The following HS6ST3 variants were observed in gnomAD, a reference collection of about 807,000 sequenced individuals.
The protein encoded by HS6ST3 is heparan sulfate 6-O-sulfotransferase 3.
In HS6ST3, 12 loss-of-function variants were observed where a neutral mutation model predicts 36.7. That is an observed-to-expected ratio of 0.33 (90% confidence interval 0.21 to 0.53). The LOEUF (loss-of-function observed/expected upper bound fraction) is 0.53. HS6ST3 is among the 20% of genes least tolerant of loss of function. The pLI, the probability that HS6ST3 is intolerant of heterozygous loss-of-function variation, is 0.95. For missense variants in HS6ST3, 584 were observed against 640.9 expected (o/e 0.91, Z 0.96); for synonymous variants, 240 against 257.5 (o/e 0.93, Z 0.65).
intron 1 of HS6ST3, among the ~76,000 whole-genome samples, chr13:96,595,696 A>G (rs574959): frequency 0.99 from 150,705 of 152,128 alleles, 74,659 homozygotes; most frequent in Middle Eastern, 1. Context: ...ATGTTGTTTC[A>G]TGAATCCTTT....
At chr13:96,198,234 C>A (rs2054323762) in intron 1 of HS6ST3, among the ~76,000 whole-genome samples, 1 of 152,138 alleles carries the variant, frequency 6.6e-6, no homozygotes, top group Non-Finnish European at 1.5e-5. Flanking sequence ...GTGTGGGGAC[C>A]CTGGGCCTGG....
chr13:96,354,287 A>G (rs1376766770), intron 1 of HS6ST3, among the ~76,000 whole-genome samples: 1 of 152,180 alleles, frequency 6.6e-6, no homozygotes, highest in African/African-American at 2.4e-5. Context: ...TATAAAAATC[A>G]TATTTGTTTA....
chr13:96,801,181 A>C, intron 1 of HS6ST3, among the ~76,000 whole-genome samples: 1 of 152,022 alleles, frequency 6.6e-6, no homozygotes, highest in East Asian at 1.9e-4. Flanking sequence ...ACTTACATCA[A>C]GGCTGCTCCA....
At chr13:96,273,925 TTCCCTCCC>T (rs60633591) in intron 1 of HS6ST3, among the ~76,000 whole-genome samples, 9 of 103,414 alleles carry the variant, frequency 8.7e-5, no homozygotes, top group Non-Finnish European at 1.4e-4. Context: ...TCCTTCCTTC[TTCCCTCCC>T]TCCCTCCCTC....
chr13:96,771,653 C>G (rs918461394), intron 1 of HS6ST3, among the ~76,000 whole-genome samples: 6 of 152,098 alleles, frequency 3.9e-5, no homozygotes, highest in Admixed American at 6.6e-5. Flanking sequence ...AGGTGCCAAG[C>G]CTTCCAAGAT....
chr13:96,185,979 G>C (rs1051213246), intron 1 of HS6ST3, among the ~76,000 whole-genome samples: 1 of 152,158 alleles, frequency 6.6e-6, no homozygotes, highest in African/African-American at 2.4e-5. Context: ...GTTATATACT[G>C]TATGTTTATG....
At chr13:96,415,958 C>G (rs1011991871) in intron 1 of HS6ST3, among the ~76,000 whole-genome samples, 1 of 152,106 alleles carries the variant, frequency 6.6e-6, no homozygotes, top group Admixed American at 6.5e-5. Flanking sequence ...AATTTTCTTG[C>G]AATTTCACAG....
At chr13:96,511,894 G>A (rs1480295703) in intron 1 of HS6ST3, among the ~76,000 whole-genome samples, 1 of 151,934 alleles carries the variant, frequency 6.6e-6, no homozygotes, top group South Asian at 2.1e-4. Flanking sequence ...ATACTCTGTT[G>A]GACAGGAATT....
At chr13:96,430,048 T>A (rs1021452033) in intron 1 of HS6ST3, among the ~76,000 whole-genome samples, 32 of 152,222 alleles carry the variant, frequency 2.1e-4, no homozygotes, top group African/African-American at 6.0e-4. Flanking sequence ...ACAATTTGAT[T>A]TAATGTACTT....
intron 1 of HS6ST3, among the ~76,000 whole-genome samples, chr13:96,577,347 A>G (rs2056325681): frequency 6.6e-6 from 1 of 152,140 alleles, no homozygotes; most frequent in Admixed American, 6.5e-5. Context: ...ACATGAACTC[A>G]TCCTTTATAT....
intron 1 of HS6ST3, among the ~76,000 whole-genome samples, chr13:96,288,984 A>G (rs950978101): frequency 1.3e-5 from 2 of 152,070 alleles, no homozygotes; most frequent in African/African-American, 4.8e-5. Flanking sequence ...TAAGAGAAAT[A>G]TTCAAGCTTT....
intron 1 of HS6ST3, among the ~76,000 whole-genome samples, chr13:96,374,566 C>T (rs1164719081): frequency 6.6e-6 from 1 of 152,164 alleles, no homozygotes; most frequent in Non-Finnish European, 1.5e-5. Context: ...AGGAACACTC[C>T]TTGTCCTTTT....
intron 1 of HS6ST3, among the ~76,000 whole-genome samples, chr13:96,307,310 G>A (rs983825957): frequency 6.6e-6 from 1 of 152,076 alleles, no homozygotes; most frequent in African/African-American, 2.4e-5. Context: ...CCTCGAAACA[G>A]AGAGCAATAG....
chr13:96,595,839 C>CT lies in HS6ST3; in HGVS notation c.708-236641dup, dbSNP rs989852356. Among the ~76,000 whole-genome samples the CT allele has an allele frequency of 4.1e-3, 590 of 142,842 alleles. 6 individuals are homozygous for CT. Among genetic ancestry groups the CT allele is most frequent in the African/African-American group, 0.014 (532 of 38,772 alleles). 93.7% of individuals were successfully genotyped at this position (142,842 alleles called of 152,430 possible). Reference sequence around the variant, plus strand: ...GTTCTCTATTGCATTTTTTTAATTTCTTTTTTTTTTCAGCTCCAGGATTTG... The same window carrying CT: ...GTTCTCTATTGCATTTTTTTAATTTCTTTTTTTTTTTCAGCTCCAGGATTTG... On this transcript the variant is annotated intron_variant, in intron 1 of 1. Transcript: ENST00000376705.
At chr13:96,775,641 A>G (rs1361414041) in intron 1 of HS6ST3, among the ~76,000 whole-genome samples, 1 of 152,226 alleles carries the variant, frequency 6.6e-6, no homozygotes, top group Non-Finnish European at 1.5e-5. Flanking sequence ...AAGAAGGACT[A>G]TCCTAAATAT....
chr13:96,297,238 C>A (rs2054859539), intron 1 of HS6ST3, among the ~76,000 whole-genome samples: 1 of 151,910 alleles, frequency 6.6e-6, no homozygotes, highest in Non-Finnish European at 1.5e-5. Context: ...TGAACTTTTC[C>A]CTTTCTGCAC....
In HS6ST3 at chr13:96,205,537, C is replaced by G. The variant is rs753204593; in HGVS notation, c.707+113968C>G. 6.6e-5 allele frequency among the ~76,000 whole-genome samples: 10 copies of G among 152,050 alleles called. 1 individual carries two copies. The highest frequency in any genetic ancestry group is 6.6e-5 in the Admixed American group (1 of 15,260). On this transcript the variant is annotated intron_variant, in intron 1 of 1. Transcript: ENST00000376705. ...GAGATACAACAACAAAAAAAAACTT[C>G]AGGCCAATATCCTTGATGAGCATCG...
intron 1 of HS6ST3, among the ~76,000 whole-genome samples, chr13:96,345,862 A>T (rs541662201): frequency 4.1e-4 from 62 of 152,338 alleles, no homozygotes; most frequent in Non-Finnish European, 7.9e-4. Context: ...ATCACCAAAA[A>T]AATCTCATAA....
intron 1 of HS6ST3, among the ~76,000 whole-genome samples, chr13:96,624,233 A>G (rs1384042987): frequency 6.6e-6 from 1 of 152,190 alleles, no homozygotes; most frequent in East Asian, 1.9e-4. Flanking sequence ...GTAATAATAC[A>G]ATACCAATAG....
Sources: allele counts gnomAD v4.1 joint callset (sites outside exome capture counted in the v4.1 genomes callset), GRCh38; gene constraint gnomAD v4.1.1; transcripts MANE v1.5; gene names NCBI Gene and HGNC (gene_info 2026-07-23, HGNC 2026-07-21).